Variants in ANO1 observed in about 807,000 individuals in gnomAD.
ANO1 encodes anoctamin 1.
In ANO1, 59 loss-of-function variants were observed where a neutral mutation model predicts 124.0. The observed-to-expected ratio is 0.48, with a 90% CI of 0.39 to 0.59. The LOEUF (loss-of-function observed/expected upper bound fraction) is 0.59. Among genes scored for constraint, ANO1 ranks in the 20% least tolerant of loss-of-function variants. ANO1 has a pLI of 0.00. For missense variants in ANO1, 1,059 were observed against 1,328.0 expected (o/e 0.80, Z 3.15); for synonymous variants, 529 against 532.0 (o/e 0.99, Z 0.08).
chr11:70,106,662 T>C (rs1302514595), intron 5 of ANO1, among the ~76,000 whole-genome samples: 2 of 152,194 alleles, frequency 1.3e-5, no homozygotes, highest in African/African-American at 4.8e-5. Context: ...GCCAACATGC[T>C]CCAAAGAAAC....
chr11:70,157,761 G>A (rs1354966624), intron 16 of ANO1, among the ~76,000 whole-genome samples: 2 of 152,168 alleles, frequency 1.3e-5, no homozygotes, highest in Non-Finnish European at 2.9e-5. Flanking sequence ...GGAGGCCGAG[G>A]CAGGAAGATT....
intron 6 of ANO1, among the ~76,000 whole-genome samples, chr11:70,110,189 T>C (rs1056220502): frequency 3.4e-5 from 5 of 146,028 alleles, no homozygotes; most frequent in Admixed American, 6.8e-5. Flanking sequence ...ACTTTCTTTT[T>C]TTTTTTTTTT....
chr11:70,166,680 G>A (rs2048267543), intron 20 of ANO1, among the ~76,000 whole-genome samples: 1 of 152,090 alleles, frequency 6.6e-6, no homozygotes, highest in Non-Finnish European at 1.5e-5. Context: ...TGCCTGCTGG[G>A]CCCTCCTGTG....
rs2135877810 is a variant in ANO1 at position 70,187,991 on chromosome 11, G to A, written c.2948G>A (p.Gly983Glu). Residue 983 changes from glycine to glutamate, a missense_variant, in exon 26 of 26, where the codon GGG (glycine) becomes GAG (glutamate). This residue lies in a region of ANO1 where 809 missense variants were observed against 1,094.9 expected (regional missense o/e 0.74). Transcript: ENST00000355303. The stretch of plus-strand genomic sequence containing the variant: ...CCAGCCCCCAGCCATGCCTACCACG[G>A]GGGCGTCCTGTAGCTATGCCAGCGG... ...GSPAPSHAYH[G>E]GVL is the part of the protein sequence containing the mutation. 2 of 1,562,850 alleles carry A rather than the reference G, an allele frequency of 1.3e-6. No individual in the cohort carries two copies. Among genetic ancestry groups the A allele is most frequent in the Non-Finnish European group, 1.7e-6 (2 of 1,154,318 alleles).
At chr11:70,042,548 T>TGA (rs146754285) in intron 1 of ANO1, among the ~76,000 whole-genome samples, 1,941 of 136,318 alleles carry the variant, frequency 0.014, 19 homozygotes, top group South Asian at 0.045. Flanking sequence ...ATTGAGAGAT[T>TGA]GAGAGAGAGA....
chr11:70,011,816 T>G (rs1178888926), intron 1 of ANO1, among the ~76,000 whole-genome samples: 1 of 152,244 alleles, frequency 6.6e-6, no homozygotes, highest in Non-Finnish European at 1.5e-5. Flanking sequence ...TAGATGGCTG[T>G]AATAGCAAAG....
chr11:70,111,134 G>C (rs1439006132), intron 6 of ANO1: 1 of 456,692 alleles, frequency 2.2e-6, no homozygotes, highest in Non-Finnish European at 4.4e-6. Context: ...AGGGCAAGGC[G>C]AGGGAAGAAA....
At chr11:70,083,607 C>T (rs192583176) in intron 1 of ANO1, among the ~76,000 whole-genome samples, 3 of 152,278 alleles carry the variant, frequency 2.0e-5, no homozygotes, top group African/African-American at 7.2e-5. Context: ...GATTTTTGGC[C>T]ACTCCTTAGT....
chr11:70,173,888 T>C (rs2048571347), intron 22 of ANO1, among the ~76,000 whole-genome samples: 1 of 151,756 alleles, frequency 6.6e-6, no homozygotes, highest in Admixed American at 6.6e-5. Flanking sequence ...GCGTCTCTAC[T>C]AAAAATACAA....
At chr11:70,035,998 TC>T (rs1321737389) in intron 1 of ANO1, among the ~76,000 whole-genome samples, 1 of 152,220 alleles carries the variant, frequency 6.6e-6, no homozygotes, top group East Asian at 1.9e-4. Context: ...TGTGCACGTG[TC>T]TTTATAGCAG....
At chr11:70,046,148 G>A (rs115164416) in intron 1 of ANO1, among the ~76,000 whole-genome samples, 106 of 152,268 alleles carry the variant, frequency 7.0e-4, no homozygotes, top group African/African-American at 2.4e-3. Flanking sequence ...TGAGCTCATT[G>A]GGTTCAGCAA....
chr11:70,138,115 C>G (rs557488654), intron 11 of ANO1, among the ~76,000 whole-genome samples: 1 of 145,184 alleles, frequency 6.9e-6, no homozygotes, highest in African/African-American at 2.5e-5. Context: ...GAGGCCAAGG[C>G]GGGCAGATCA....
chr11:70,138,048 A>G (rs1565238541), intron 11 of ANO1, among the ~76,000 whole-genome samples: 1 of 147,594 alleles, frequency 6.8e-6, no homozygotes, highest in African/African-American at 2.4e-5. Context: ...TCTCCTTCAG[A>G]AAAGAATAAC....
chr11:70,095,283 G>A (rs4988677), intron 2 of ANO1, among the ~76,000 whole-genome samples: 966 of 83,374 alleles, frequency 0.012, no homozygotes, highest in Middle Eastern at 0.024. Flanking sequence ...AAGGAAGGAA[G>A]GAAGGAAGGA....
At chr11:70,035,323 A>G (rs1857075960) in intron 1 of ANO1, among the ~76,000 whole-genome samples, 1 of 152,164 alleles carries the variant, frequency 6.6e-6, no homozygotes, top group African/African-American at 2.4e-5. Flanking sequence ...GAGCGTGTGG[A>G]GAGAAAAGGA....
the ANO1 span, among the ~76,000 whole-genome samples, chr11:69,980,492 G>A: frequency 6.6e-6 from 1 of 151,772 alleles, no homozygotes; most frequent in Non-Finnish European, 1.5e-5. Context: ...GTGGTGGTGG[G>A]CGCCTGTAGT....
chr11:70,116,630 C>A, intron 8 of ANO1, 131 bp downstream of exon 8: 2 of 793,260 alleles, frequency 2.5e-6, no homozygotes, highest in Admixed American at 2.6e-5. Flanking sequence ...CTGCAGGGGG[C>A]TGAGAAGCGG....
At chr11:70,126,303 A>G in intron 10 of ANO1, 108 bp downstream of exon 10, 2 of 1,372,164 alleles carry the variant, frequency 1.5e-6, no homozygotes, top group South Asian at 1.5e-5. Context: ...CAATTCCTGT[A>G]CACATGAAAC....
chr11:70,085,991 C>T (rs1012297903), intron 1 of ANO1, among the ~76,000 whole-genome samples: 3 of 152,262 alleles, frequency 2.0e-5, no homozygotes, highest in Non-Finnish European at 1.5e-5. Flanking sequence ...GGCCCAAGCA[C>T]AGCTCTGTCC....
Sources: gnomAD v4.1 joint callset for allele counts (sites outside exome capture counted in the v4.1 genomes callset) on GRCh38, gnomAD v4.1.1 for gene constraint, gnomAD v4.1.1 regional missense constraint, MANE v1.5 for transcripts, NCBI Gene and HGNC (gene_info 2026-07-23, HGNC 2026-07-21) for gene names.